PPP2CA: variants seen among roughly 807,000 people sequenced by gnomAD.
PPP2CA encodes protein phosphatase 2 catalytic subunit alpha.
In PPP2CA, 5 loss-of-function variants were observed where a neutral mutation model predicts 38.8. The ratio of observed to expected loss-of-function variants is 0.13; its 90% CI spans 0.07 to 0.27. The LOEUF (loss-of-function observed/expected upper bound fraction) is 0.27, where lower values mean the gene tolerates loss of function less well. Ranked by LOEUF, PPP2CA falls within the 10% of genes least tolerant of loss-of-function variation. PPP2CA has a pLI of 1.00. For synonymous variants in PPP2CA, 152 were observed against 134.0 expected (o/e 1.13, Z -0.93); for missense variants, 88 against 389.7 (o/e 0.23, Z 6.52).
At chr5:134,208,813 G>C (rs1762139909) in intron 1 of PPP2CA, among the ~76,000 whole-genome samples, 1 of 151,966 alleles carries the variant, frequency 6.6e-6, no homozygotes, top group Admixed American at 6.6e-5. Flanking sequence ...GTTTTCCTTT[G>C]CATTTTTAAA....
chr5:134,197,551 A>G lies in PPP2CA; in HGVS notation c.*221T>C. Reference sequence around the variant, plus strand: ...GCCAGAAACTGGTTTCTTGACCAACAATGTCGCTTCAGCATGCAATGAACT... The same window carrying G: ...GCCAGAAACTGGTTTCTTGACCAACGATGTCGCTTCAGCATGCAATGAACT... On this transcript the variant is annotated 3_prime_UTR_variant, in exon 7 of 7. Coordinates refer to ENST00000481195, the MANE Select transcript of PPP2CA (RefSeq NM_002715.4). The G allele has an allele frequency of 1.9e-6, 1 of 517,758 alleles. No homozygotes were observed. Among genetic ancestry groups the G allele is most frequent in the Non-Finnish European group, 3.5e-6 (1 of 287,442 alleles). The allele number at this position is 517,758 out of a possible 1,614,324, so 32.1% of individuals were successfully genotyped here.
chr5:134,206,171 T>C (rs942115637), intron 1 of PPP2CA, 40 bp from the exon 2 acceptor site: 14 of 1,509,800 alleles, frequency 9.3e-6, no homozygotes, highest in Non-Finnish European at 1.3e-5. Flanking sequence ...ACATTTGGCA[T>C]TAAACAATAT....
chr5:134,217,727 T>G (rs1762352027), intron 1 of PPP2CA, among the ~76,000 whole-genome samples: 1 of 152,248 alleles, frequency 6.6e-6, no homozygotes, highest in Non-Finnish European at 1.5e-5. Flanking sequence ...AGTTTTGAGT[T>G]AATTTCCTTC....
At chr5:134,225,691 C>A in intron 1 of PPP2CA, 69 bp downstream of exon 1, 2 of 1,474,348 alleles carry the variant, frequency 1.4e-6, no homozygotes, top group Admixed American at 1.7e-5. Flanking sequence ...GTTGCACCCT[C>A]CTCACGGCCG....
At chr5:134,201,723 G>A (rs974162443) in intron 3 of PPP2CA, 125 bp downstream of exon 3, 6 of 1,053,508 alleles carry the variant, frequency 5.7e-6, no homozygotes, top group Middle Eastern at 2.1e-4. Context: ...TTGAATGAAT[G>A]CTATCAATAT....
At chr5:134,202,134 C>A in intron 2 of PPP2CA, 113 bp from the exon 3 acceptor site, 1 of 1,051,528 alleles carries the variant, frequency 9.5e-7, no homozygotes, top group South Asian at 1.8e-5. Context: ...AAAAACAGCA[C>A]ACATCCTCAT....
intron 1 of PPP2CA, among the ~76,000 whole-genome samples, chr5:134,220,461 A>AAG (rs1232873315): frequency 7.1e-6 from 1 of 140,882 alleles, no homozygotes; most frequent in Non-Finnish European, 1.5e-5. Context: ...TATCTCAAAA[A>AAG]AAAAAAAAAA....
At chr5:134,199,477 A>G (rs989671701) in intron 5 of PPP2CA, 2 of 290,196 alleles carry the variant, frequency 6.9e-6, no homozygotes, top group Non-Finnish European at 1.3e-5. Context: ...AGCAACCACC[A>G]AAGAATGAAA....
chr5:134,221,338 C>T (rs1424809990), intron 1 of PPP2CA, among the ~76,000 whole-genome samples: 1 of 152,172 alleles, frequency 6.6e-6, no homozygotes, highest in Non-Finnish European at 1.5e-5. Context: ...TGGTCTTGGT[C>T]TCCTGACCTC....
intron 6 of PPP2CA, among the ~76,000 whole-genome samples, chr5:134,198,395 A>AAAAAC (rs112076287): frequency 6.6e-6 from 1 of 150,724 alleles, no homozygotes; most frequent in Non-Finnish European, 1.5e-5. Flanking sequence ...TCCGTCTCAA[A>AAAAAC]AAACAAACAA....
chr5:134,195,786 T>C lies in PPP2CA; in HGVS notation c.*1986A>G, dbSNP rs1377688909. ...TCAGTCTCTATAATTAAACAATTAT[T>C]TTAAACCCTAGTTATGCTAAAACCA... is the stretch of plus-strand genomic sequence containing the variant. On this transcript the variant is annotated 3_prime_UTR_variant, in exon 7 of 7. Transcript: ENST00000481195. The C allele has an allele frequency of 6.6e-6, 1 of 152,234 alleles. No individual in the cohort carries two copies. Among genetic ancestry groups the C allele is most frequent in the Non-Finnish European group, 1.5e-5 (1 of 68,040 alleles). 9.4% of individuals were successfully genotyped at this position (152,234 alleles called of 1,614,324 possible). A position where few individuals can be genotyped will look rare whatever the true frequency, so the allele number is the denominator to read the frequency against.
intron 4 of PPP2CA, 86 bp downstream of exon 4, chr5:134,200,897 TGA>T (rs1416577883): frequency 1.6e-5 from 18 of 1,102,480 alleles, no homozygotes; most frequent in Non-Finnish European, 2.4e-5. Flanking sequence ...GAGAATTATA[TGA>T]GAGAATACAT....
chr5:134,218,211 A>G (rs767235188), intron 1 of PPP2CA, among the ~76,000 whole-genome samples: 16 of 151,990 alleles, frequency 1.1e-4, no homozygotes, highest in Non-Finnish European at 1.8e-4. Context: ...TTATATTTTA[A>G]AAGTTTAACC....
intron 1 of PPP2CA, among the ~76,000 whole-genome samples, chr5:134,209,520 C>T (rs1265381416): frequency 1.3e-5 from 2 of 152,192 alleles, no homozygotes; most frequent in Non-Finnish European, 2.9e-5. Flanking sequence ...CGCCTGTAAT[C>T]CCAAATCCCA....
At chr5:134,222,209 T>C (rs1762461277) in intron 1 of PPP2CA, among the ~76,000 whole-genome samples, 1 of 152,048 alleles carries the variant, frequency 6.6e-6, no homozygotes, top group South Asian at 2.1e-4. Context: ...CTGAGAACAA[T>C]ATCTTATAAA....
In PPP2CA at chr5:134,195,649, T is replaced by C. The variant is rs961207677; in HGVS notation, c.*2123A>G. 2 of 152,252 alleles carry C rather than the reference T, an allele frequency of 1.3e-5. No homozygotes were observed. Among genetic ancestry groups the C allele is most frequent in the African/African-American group, 4.8e-5 (2 of 41,462 alleles). The allele number at this position is 152,252 out of a possible 1,614,324, so 9.4% of individuals were successfully genotyped here. A position where few individuals can be genotyped will look rare whatever the true frequency, so the allele number is the denominator to read the frequency against. On this transcript the variant is annotated 3_prime_UTR_variant, in exon 7 of 7. Coordinates refer to ENST00000481195, the MANE Select transcript of PPP2CA (RefSeq NM_002715.4). ...CTTAGTGATTCCCATCCAACCATAA[T>C]TATGTATTTTTCAAGAAAATACATA...
chr5:134,199,196 G>A lies in PPP2CA; in HGVS notation c.747C>T (p.Asn249=), dbSNP rs1761921420. The A allele has an allele frequency of 1.9e-6, 3 of 1,611,170 alleles. No homozygotes were observed. Among genetic ancestry groups the A allele is most frequent in the African/African-American group, 1.3e-5 (1 of 74,946 alleles). The change falls in exon 6 of 7, where the codon AAC becomes AAT. Residue 249 remains asparagine, a synonymous_variant. Transcript: ENST00000481195. ...RAHQLVMEGY[N]WCHDRNVVTI... is the part of the protein sequence containing the mutation. ...TTACTACATTCCGGTCATGGCACCAGTTATATCCCTGCAAGGAAAAGGAGA... is the reference window on the plus strand; with the variant it reads ...TTACTACATTCCGGTCATGGCACCAATTATATCCCTGCAAGGAAAAGGAGA...
intron 1 of PPP2CA, among the ~76,000 whole-genome samples, chr5:134,208,973 A>C (rs1349348858): frequency 6.6e-6 from 1 of 152,184 alleles, no homozygotes; most frequent in Non-Finnish European, 1.5e-5. Flanking sequence ...CTACAGCAAT[A>C]TATATCCTCG....
At chr5:134,215,417 A>T (rs184425108) in intron 1 of PPP2CA, among the ~76,000 whole-genome samples, 31 of 152,164 alleles carry the variant, frequency 2.0e-4, no homozygotes, top group African/African-American at 7.5e-4. Flanking sequence ...CAAAAAAAAA[A>T]TACAAAAATA....
Sources: allele counts gnomAD v4.1 joint callset (sites outside exome capture counted in the v4.1 genomes callset), GRCh38; gene constraint gnomAD v4.1.1; transcripts MANE v1.5; gene names NCBI Gene and HGNC (gene_info 2026-07-23, HGNC 2026-07-21).